TRIM50: variants seen among roughly 807,000 people sequenced by gnomAD.
TRIM50 encodes the protein E3 ubiquitin-protein ligase TRIM50.
A neutral mutation model predicts 44.9 loss-of-function variants in TRIM50; 34 were observed. The observed-to-expected ratio is 0.76, with a 90% CI of 0.58 to 1.01. The LOEUF is 1.01. Ranked by LOEUF, TRIM50 falls within the 50% of genes least tolerant of loss-of-function variation. The pLI is 0.00. For missense variants in TRIM50, 633 were observed against 663.7 expected, an observed-to-expected ratio of 0.95 and a Z score of 0.51; for synonymous variants, 307 against 291.1, an observed-to-expected ratio of 1.05 and a Z score of -0.56.
rs782027783 is a variant in TRIM50 at position 73,324,610 on chromosome 7, C to T, written c.178G>A (p.Val60Met). The T allele has an allele frequency of 6.2e-7, 1 of 1,614,158 alleles. No individual in the cohort carries two copies. The highest frequency in any genetic ancestry group is 1.1e-5 in the South Asian group (1 of 91,080). Residue 60 changes from valine to methionine, a missense_variant, in exon 2 of 7, where the codon GTG (valine) becomes ATG (methionine). Physicochemically the swap from Val to Met is conservative, Grantham distance 21. Coordinates refer to ENST00000333149, the MANE Select transcript of TRIM50 (RefSeq NM_178125.3). ...ELRCPVCRQA[V>M]DGSSSLPNVS... ...TTGGGCAGGGAGCTGCTGCCGTCCA[C>T]CGCCTGCCGGCACACGGGGCAGCGC... is the stretch of plus-strand genomic sequence containing the variant.
At chr7:73,319,564 C>G (rs2115747013) in intron 3 of TRIM50, among the ~76,000 whole-genome samples, 1 of 152,348 alleles carries the variant, frequency 6.6e-6, no homozygotes, top group African/African-American at 2.4e-5. Context: ...CCAGAACTCC[C>G]TGCAGAACCC....
chr7:73,324,384 C>T lies in TRIM50; in HGVS notation c.399+5G>A, dbSNP rs570575089. 3.7e-6 allele frequency: 6 copies of T among 1,614,006 alleles called. No individual in the cohort carries two copies. The African/African-American group carries it at 8.0e-5, about 22-fold the overall frequency. ...TCCAGCCGCCCCTGCACCCTCACTCCCCACCTTCATGCGGCTGTAGACGGT... is the reference window on the plus strand; with the variant it reads ...TCCAGCCGCCCCTGCACCCTCACTCTCCACCTTCATGCGGCTGTAGACGGT... On this transcript the variant is annotated splice_donor_5th_base_variant and intron_variant, in intron 2 of 6. Transcript: ENST00000333149.
chr7:73,325,012 A>G, intron 1 of TRIM50, among the ~76,000 whole-genome samples: 1 of 103,820 alleles, frequency 9.6e-6, no homozygotes, highest in African/African-American at 4.0e-5. Context: ...TCCCTTGAAG[A>G]TATGTGTGTG....
chr7:73,317,355 T>C (rs1319151112), intron 5 of TRIM50, among the ~76,000 whole-genome samples: 12 of 133,028 alleles, frequency 9.0e-5, no homozygotes, highest in African/African-American at 3.4e-4. Flanking sequence ...TGCCAAGACT[T>C]TTTTTTTTTT....
chr7:73,324,082 G>C (rs1325462837), intron 2 of TRIM50, among the ~76,000 whole-genome samples: 5 of 147,828 alleles, frequency 3.4e-5, no homozygotes, highest in African/African-American at 1.3e-4. Context: ...GAGAGGGAGA[G>C]GAAGAGGGAA....
At chr7:73,325,168 G>A (rs1335741668) in intron 1 of TRIM50, among the ~76,000 whole-genome samples, 1 of 152,020 alleles carries the variant, frequency 6.6e-6, no homozygotes, top group Non-Finnish European at 1.5e-5. Context: ...ACCTAGAACT[G>A]AACAGCAAAA....
intron 2 of TRIM50, among the ~76,000 whole-genome samples, chr7:73,322,505 C>T (rs1344830840): frequency 6.6e-6 from 1 of 152,204 alleles, no homozygotes; most frequent in Non-Finnish European, 1.5e-5. Context: ...CACCTGCAGT[C>T]AGCTTCCACC....
intron 2 of TRIM50, among the ~76,000 whole-genome samples, chr7:73,320,496 G>A (rs1206139691): frequency 2.0e-5 from 3 of 152,034 alleles, no homozygotes; most frequent in Non-Finnish European, 2.9e-5. Context: ...TCAGGAGTTC[G>A]AGACTAGCCT....
At chr7:73,316,486 T>A in intron 6 of TRIM50, 79 bp downstream of exon 6, 1 of 1,569,300 alleles carries the variant, frequency 6.4e-7, no homozygotes, top group South Asian at 1.2e-5. Flanking sequence ...TGTAGCTTAT[T>A]ATCTCTCTGA....
chr7:73,323,921 C>T (rs1397391732), intron 2 of TRIM50, among the ~76,000 whole-genome samples: 2 of 152,036 alleles, frequency 1.3e-5, no homozygotes, highest in Non-Finnish European at 2.9e-5. Flanking sequence ...GCACCTGTAG[C>T]CCCAGCTGCT....
chr7:73,320,281 C>G (rs1414979103), intron 2 of TRIM50, 39 bp from the exon 3 acceptor site: 1 of 1,613,358 alleles, frequency 6.2e-7, no homozygotes, highest in Admixed American at 1.7e-5. Context: ...GCAGCTGATC[C>G]CTCCCCTTCT....
chr7:73,315,653 C>A (rs1467441282), intron 6 of TRIM50, among the ~76,000 whole-genome samples: 1 of 152,202 alleles, frequency 6.6e-6, no homozygotes, highest in Non-Finnish European at 1.5e-5. Context: ...CCGTGCCCAG[C>A]CCCTTCTTTT....
chr7:73,314,824 T>C (rs1336235575), intron 6 of TRIM50: 1 of 167,964 alleles, frequency 6.0e-6, no homozygotes, highest in Non-Finnish European at 1.2e-5. Context: ...CACTCCAGCC[T>C]GGGTGACAGA....
chr7:73,316,736 C>T (rs1804370515), intron 5 of TRIM50, 47 bp from the exon 6 acceptor site: 2 of 1,597,082 alleles, frequency 1.3e-6, no homozygotes, highest in Non-Finnish European at 8.5e-7. Flanking sequence ...ATCACGTGGC[C>T]CACCCCACCC....
chr7:73,321,530 G>C (rs1443654859), intron 2 of TRIM50, among the ~76,000 whole-genome samples: 19 of 152,118 alleles, frequency 1.2e-4, no homozygotes, highest in African/African-American at 4.1e-4. Flanking sequence ...GACACAGCAC[G>C]GATTTGCGAC....
chr7:73,312,945 G>T lies in TRIM50; in HGVS notation c.1440C>A (p.Ser480Arg). The T allele has an allele frequency of 6.5e-7, 1 of 1,548,452 alleles. No individual in the cohort carries two copies. The highest frequency in any genetic ancestry group is 8.7e-7 in the Non-Finnish European group (1 of 1,146,116). Residue 480 changes from serine to arginine, a missense_variant, in exon 7 of 7, where the codon AGC becomes AGA. Coordinates refer to ENST00000333149, the MANE Select transcript of TRIM50 (RefSeq NM_178125.3). ...LPPPSGPGPL[S>R]PEQPTKL ...CCTACAGCTTGGTGGGCTGCTCGGG[G>T]CTGAGGGGGCCAGGCCCGCTGGGCG...
At position 73,313,585 on chromosome 7, in the gene TRIM50, G is replaced by A; in HGVS notation, c.875-75C>T. 7.9e-7 allele frequency: 1 copy of A among 1,270,314 alleles called. No individual in the cohort carries two copies. The allele number at this position is 1,270,314 out of a possible 1,614,324, so 78.7% of individuals were successfully genotyped here. A position where few individuals can be genotyped will look rare whatever the true frequency, so the allele number is the denominator to read the frequency against. On this transcript the variant is annotated intron_variant, in intron 6 of 6. Transcript: ENST00000333149. The surrounding 1 kb of genome is among the most constrained non-coding windows in gnomAD (Gnocchi z 4.9). ...ACCCGGCCCACAGAAGCTGATGGAG[G>A]CCCTGAACTCCCCAAGGAGAGGGGC... is the stretch of plus-strand genomic sequence containing the variant.
chr7:73,319,066 G>A lies in TRIM50; in HGVS notation c.496-14C>T, dbSNP rs530379311. 3.1e-6 allele frequency: 5 copies of A among 1,613,972 alleles called. No individual in the cohort carries two copies. In the South Asian group the frequency reaches 5.5e-5, roughly 18 times the overall value. On this transcript the variant is annotated splice_polypyrimidine_tract_variant and intron_variant, in intron 3 of 6. Transcript: ENST00000333149. ...ATCCGACTCATTCTGGGACAGGGAG[G>A]GCTGGTCACTGCAGAGTCACAGCCG...
chr7:73,323,987 C>T (rs1554545435), intron 2 of TRIM50, among the ~76,000 whole-genome samples: 1 of 151,764 alleles, frequency 6.6e-6, no homozygotes, highest in African/African-American at 2.4e-5. Flanking sequence ...CTGCAGTGAG[C>T]CATGATCACA....
Sources: allele counts gnomAD v4.1 joint callset (sites outside exome capture counted in the v4.1 genomes callset), GRCh38; gene constraint gnomAD v4.1.1; non-coding constraint Gnocchi (gnomAD v3.1); transcripts MANE v1.5; gene names NCBI Gene and HGNC (gene_info 2026-07-23, HGNC 2026-07-21).